The following GRK1 variants were observed in gnomAD, a reference collection of about 807,000 sequenced individuals.
GRK1 encodes the protein G protein-coupled receptor kinase 1.
GRK1 carries 28 observed loss-of-function variants against 41.7 expected under a neutral mutation model. That is an observed-to-expected ratio of 0.67 (90% CI 0.50 to 0.92). The LOEUF (loss-of-function observed/expected upper bound fraction) is 0.92, where lower values mean the gene tolerates loss of function less well. Among genes scored for constraint, GRK1 ranks in the 40% least tolerant of loss-of-function variants. GRK1 has a pLI of 0.00. For synonymous variants in GRK1, 327 were observed against 286.7 expected (o/e 1.14, Z -1.42); for missense variants, 703 against 671.2 (o/e 1.05, Z -0.52).
At chr13:113,724,898 G>A (rs1329155933) in intron 4 of GRK1, among the ~76,000 whole-genome samples, 1 of 152,254 alleles carries the variant, frequency 6.6e-6, no homozygotes, top group Non-Finnish European at 1.5e-5. Flanking sequence ...GGGAGATCCA[G>A]GTGGACTCCG....
chr13:113,724,391 G>A (rs1424185451), intron 4 of GRK1, among the ~76,000 whole-genome samples: 2 of 152,336 alleles, frequency 1.3e-5, no homozygotes, highest in African/African-American at 4.8e-5. Flanking sequence ...TCGCTTCCCC[G>A]TGGTTGTTTT....
intron 1 of GRK1, 45 bp downstream of exon 1, chr13:113,668,130 A>G (rs748575609): frequency 5.1e-6 from 8 of 1,557,268 alleles, no homozygotes; most frequent in Middle Eastern, 1.9e-4. Flanking sequence ...GGCAGGGTGC[A>G]GGGATGGGGC....
intron 4 of GRK1, among the ~76,000 whole-genome samples, chr13:113,725,044 C>T (rs1395680121): frequency 1.3e-5 from 2 of 152,254 alleles, no homozygotes; most frequent in African/African-American, 2.4e-5. Flanking sequence ...GTGCTCACAG[C>T]AGGGCTGGGC....
intron 4 of GRK1, among the ~76,000 whole-genome samples, chr13:113,724,415 C>A (rs918890670): frequency 6.6e-6 from 1 of 152,220 alleles, no homozygotes; most frequent in Non-Finnish European, 1.5e-5. Context: ...TGTGGGGAGG[C>A]AGTGCTGTCG....
rs1200257793 is a variant in GRK1, at chr13:113,671,771, T to G, written c.985+115T>G. On this transcript the variant is annotated intron_variant, in intron 3 of 6. Coordinates refer to ENST00000335678, the MANE Select transcript of GRK1 (RefSeq NM_002929.3). The surrounding 1 kb of genome is among the most constrained non-coding windows in gnomAD (Gnocchi z 4.1). The stretch of plus-strand genomic sequence containing the variant: ...CTGACGGCTGTGTGGACGGTGGGGG[T>G]TCATGAGGGCTGACGGCTTCGTGGA... 3.0e-6 allele frequency: 2 copies of G among 677,784 alleles called. No individual in the cohort carries two copies. Among genetic ancestry groups the G allele is most frequent in the Non-Finnish European group, 5.4e-6 (2 of 371,574 alleles). The allele number at this position is 677,784 out of a possible 1,614,324, so 42.0% of individuals were successfully genotyped here.
chr13:113,724,090 C>G (rs962494325), intron 4 of GRK1, among the ~76,000 whole-genome samples: 16 of 152,186 alleles, frequency 1.1e-4, no homozygotes, highest in African/African-American at 3.4e-4. Flanking sequence ...TCACCTCCCC[C>G]CAGGCAGGGA....
At chr13:113,652,068 G>A in the GRK1 span, among the ~76,000 whole-genome samples, 4 of 152,292 alleles carry the variant, frequency 2.6e-5, no homozygotes, top group Admixed American at 6.5e-5. Context: ...AGCACGGGCC[G>A]GCCTGCCTCC....
At chr13:113,654,872 C>G in the GRK1 span, 3 of 1,614,222 alleles carry the variant, frequency 1.9e-6, no homozygotes, top group Non-Finnish European at 2.5e-6. Flanking sequence ...TCTGCATCAG[C>G]ACATAGAGGC....
chr13:113,654,756 C>T, the GRK1 span: 99 of 1,580,034 alleles, frequency 6.3e-5, no homozygotes, highest in Middle Eastern at 1.4e-3. Flanking sequence ...TCTCCAGAGC[C>T]GAGGAGGCGG....
rs1401417082 is a variant in GRK1 at position 113,671,786 on chromosome 13, G to A, written c.985+130G>A. On this transcript the variant is annotated intron_variant, in intron 3 of 6. Coordinates refer to ENST00000335678, the MANE Select transcript of GRK1 (RefSeq NM_002929.3). The surrounding 1 kb of genome is among the most constrained non-coding windows in gnomAD (Gnocchi z 4.1). ...ACGGTGGGGGTTCATGAGGGCTGAC[G>A]GCTTCGTGGACGGTGGAGGTGTCAT... 115 of 666,454 alleles carry A rather than the reference G, an allele frequency of 1.7e-4. 1 individual carries two copies. In the East Asian group the frequency reaches 2.8e-3, roughly 16 times the overall value. 41.3% of individuals were successfully genotyped at this position (666,454 alleles called of 1,614,324 possible).
the GRK1 span, chr13:113,652,933 C>T: frequency 1.2e-6 from 2 of 1,614,222 alleles, no homozygotes; most frequent in Admixed American, 1.7e-5. Context: ...TGGGATCCGC[C>T]AGGCCTGAGC....
chr13:113,731,293 C>T lies in GRK1; in HGVS notation c.1144C>T (p.Leu382=). 1 of 1,537,082 alleles carries T rather than the reference C, an allele frequency of 6.5e-7. No homozygotes were observed. Among genetic ancestry groups the T allele is most frequent in the Non-Finnish European group, 8.7e-7 (1 of 1,146,854 alleles). ...SVDYFALGVT[L]YEMIAARGPF... is the part of the protein sequence containing the mutation. The stretch of plus-strand genomic sequence containing the variant: ...GGACTACTTTGCCCTGGGGGTCACC[C>T]TGTATGAGATGATTGCGGCCAGAGG... The change falls in exon 5 of 7, where the codon CTG becomes TTG. Residue 382 remains leucine (L), a synonymous_variant. Transcript: ENST00000335678. This position sits in a 1 kb window ranked among gnomAD's most constrained non-coding sequence, Gnocchi z 5.6.
the GRK1 span, chr13:113,658,306 C>T: frequency 1.5e-6 from 1 of 670,034 alleles, no homozygotes; most frequent in East Asian, 2.8e-5. Context: ...CAGCGCCGGC[C>T]ATCGCCTCAC....
the GRK1 span, chr13:113,649,025 G>A: frequency 5.8e-6 from 1 of 173,744 alleles, no homozygotes; most frequent in African/African-American, 2.4e-5. The surrounding 1 kb of genome is among the most constrained non-coding windows in gnomAD (Gnocchi z 4.7). Flanking sequence ...TCATATTGAA[G>A]TGTAGAAAAA....
chr13:113,662,269 T>C (rs2049795261), upstream of GRK1, among the ~76,000 whole-genome samples: 2 of 152,224 alleles, frequency 1.3e-5, no homozygotes, highest in South Asian at 4.1e-4. Context: ...TCAGCTTCCA[T>C]GTGACAAAAG....
At chr13:113,649,507 G>A in the GRK1 span, 26,704 of 1,542,878 alleles carry the variant, frequency 0.017, 1,999 homozygotes, top group African/African-American at 0.23. The surrounding 1 kb of genome is among the most constrained non-coding windows in gnomAD (Gnocchi z 4.7). Flanking sequence ...GAGGAGCTTC[G>A]CTGCCACCAG....
At chr13:113,724,870 GC>G (rs1298313188) in intron 4 of GRK1, among the ~76,000 whole-genome samples, 3 of 152,218 alleles carry the variant, frequency 2.0e-5, no homozygotes, top group African/African-American at 7.2e-5. Flanking sequence ...GTGGGTGGAA[GC>G]CCCCTCACGC....
intron 4 of GRK1, among the ~76,000 whole-genome samples, chr13:113,730,152 T>C (rs1455701879): frequency 6.3e-5 from 3 of 47,358 alleles, no homozygotes; most frequent in Admixed American, 5.8e-4. Context: ...CCCAGACCCG[T>C]CCCTCCATCC....
At position 113,668,239 on chromosome 13, in the gene GRK1, C is replaced by T. The variant is rs2049833382; in HGVS notation, c.699+154C>T. The stretch of plus-strand genomic sequence containing the variant: ...ATGCCAGCCTCGCCACGTGGGCGCC[C>T]CGCGGCCGTGCGGTTACGAGCAGTT... On this transcript the variant is annotated intron_variant, in intron 1 of 6. Transcript: ENST00000335678. 3.0e-5 allele frequency: 10 copies of T among 328,792 alleles called. No homozygotes were observed. The South Asian group carries it at 1.1e-3, about 35-fold the overall frequency. 20.4% of individuals were successfully genotyped at this position (328,792 alleles called of 1,614,324 possible).
Sources: allele counts gnomAD v4.1 joint callset (sites outside exome capture counted in the v4.1 genomes callset), GRCh38; gene constraint gnomAD v4.1.1; non-coding constraint Gnocchi (gnomAD v3.1); transcripts MANE v1.5; gene names NCBI Gene and HGNC (gene_info 2026-07-23, HGNC 2026-07-21).